RASA3: variants seen among roughly 807,000 people sequenced by gnomAD.
RASA3 encodes RAS p21 protein activator 3.
A neutral mutation model predicts 110.0 loss-of-function variants in RASA3; 73 were observed. The ratio of observed to expected loss-of-function variants is 0.66; its 90% CI spans 0.55 to 0.81. The LOEUF (loss-of-function observed/expected upper bound fraction) is 0.81, where lower values mean the gene tolerates loss of function less well. Among genes scored for constraint, RASA3 ranks in the 30% least tolerant of loss-of-function variants. The pLI is 0.00. For missense variants in RASA3, 976 were observed against 1,113.2 expected (o/e 0.88, Z 1.75); for synonymous variants, 500 against 451.4 (o/e 1.11, Z -1.37).
At chr13:114,009,487 C>T (rs751618682) in intron 16 of RASA3, 23 bp from the exon 17 acceptor site, 32 of 1,526,464 alleles carry the variant, frequency 2.1e-5, no homozygotes, top group South Asian at 1.5e-4. Flanking sequence ...GGAGATCACT[C>T]GAGGACAGCC....
chr13:114,132,605 G>T lies in RASA3; in HGVS notation c.-116C>A, dbSNP rs970177579. 1.4e-4 allele frequency: 122 copies of T among 852,296 alleles called. No homozygotes were observed. In the African/African-American group the frequency reaches 2.1e-3, roughly 14 times the overall value. The allele number at this position is 852,296 out of a possible 1,614,324, so 52.8% of individuals were successfully genotyped here. On this transcript the variant is annotated 5_prime_UTR_variant, in exon 1 of 24. Transcript: ENST00000334062. ...CCCGAGCGCGGCCGAGGGTCCGCCCGCCTGCAAGACCGCCAGTTGGCCGAG... is the reference window on the plus strand; with the variant it reads ...CCCGAGCGCGGCCGAGGGTCCGCCCTCCTGCAAGACCGCCAGTTGGCCGAG...
rs2079248023 is a variant in RASA3 at position 114,056,485 on chromosome 13, G to A, written c.174-4330C>T. On this transcript the variant is annotated intron_variant, in intron 2 of 23. Transcript: ENST00000334062. The surrounding 1 kb of genome is among the most constrained non-coding windows in gnomAD (Gnocchi z 5.7). ...GGGCTTGGGCAGCAGGGCTGAGAGT[G>A]CGGCGTCCCTGGGCGCTGCCCGGTA... 2.0e-6 allele frequency: 2 copies of A among 985,268 alleles called. No homozygotes were observed. The highest frequency in any genetic ancestry group is 3.5e-5 in the African/African-American group (2 of 57,226). 61.0% of individuals were successfully genotyped at this position (985,268 alleles called of 1,614,324 possible). A position where few individuals can be genotyped will look rare whatever the true frequency, so the allele number is the denominator to read the frequency against.
rs527764073 is a variant in RASA3 at position 114,058,741 on chromosome 13, C to T, written c.174-6586G>A. Among the ~76,000 whole-genome samples the T allele has an allele frequency of 2.0e-5, 3 of 152,366 alleles. No individual in the cohort carries two copies. In the South Asian group the frequency reaches 6.2e-4, roughly 32 times the overall value. On this transcript the variant is annotated intron_variant, in intron 2 of 23. Transcript: ENST00000334062. ...CGCAGTCCCCAGGGACCAAGTCCTG[C>T]TGCTGTGGACACAGGTGACCCTGCC...
chr13:114,117,347 A>AGCACGTGTGTGAGGGGT (rs1204293436), intron 1 of RASA3, among the ~76,000 whole-genome samples: 1 of 59,870 alleles, frequency 1.7e-5, no homozygotes, highest in Non-Finnish European at 3.3e-5. Context: ...GTGTGAGGAG[A>AGCACGTGTGTGAGGGGT]GCACGTGTGT....
intron 5 of RASA3, among the ~76,000 whole-genome samples, chr13:114,028,231 G>A (rs61973870): frequency 8.0e-6 from 1 of 125,416 alleles, no homozygotes; most frequent in African/African-American, 2.7e-5. Context: ...CCCTAAAACA[G>A]TGTCATCCTG....
chr13:114,117,261 A>G (rs55735547), intron 1 of RASA3, among the ~76,000 whole-genome samples: 3,896 of 9,348 alleles, frequency 0.42, 79 homozygotes, highest in Non-Finnish European at 0.43. Flanking sequence ...TGTGTGAGGG[A>G]TGCACGTGTG....
At chr13:114,111,662 C>A (rs1276133302) in intron 1 of RASA3, among the ~76,000 whole-genome samples, 1 of 152,272 alleles carries the variant, frequency 6.6e-6, no homozygotes, top group African/African-American at 2.4e-5. Flanking sequence ...TCACTTCCTG[C>A]CTCACACAGA....
chr13:114,043,838 C>CCCCCCCCCCCCCCCCCCCCCGCTGAGCCG (rs2078986042), intron 3 of RASA3, among the ~76,000 whole-genome samples: 1 of 19,930 alleles, frequency 5.0e-5, no homozygotes, highest in African/African-American at 4.3e-4. Context: ...ACTCGCTGAG[C>CCCCCCCCCCCCCCCCCCCCCGCTGAGCCG]CCCCCGCCCC....
chr13:114,049,669 G>A (rs900514054), intron 3 of RASA3, among the ~76,000 whole-genome samples: 27 of 152,356 alleles, frequency 1.8e-4, no homozygotes, highest in African/African-American at 6.3e-4. Context: ...CGCGCGTGGC[G>A]CCCGGCACAG....
chr13:114,022,332 G>C (rs935180786), intron 8 of RASA3, among the ~76,000 whole-genome samples: 2 of 152,204 alleles, frequency 1.3e-5, no homozygotes, highest in Non-Finnish European at 2.9e-5. Flanking sequence ...GCTGCAACAA[G>C]TCTACAGGGC....
In RASA3 at chr13:113,999,724, G is replaced by A. The variant is rs142178525; in HGVS notation, c.1850-57C>T. 5,800 of 1,490,782 alleles carry A rather than the reference G, an allele frequency of 3.9e-3. 154 individuals carry two copies. The East Asian group carries it at 0.053, about 14-fold the overall frequency. 92.3% of individuals were successfully genotyped at this position (1,490,782 alleles called of 1,614,324 possible). On this transcript the variant is annotated intron_variant, in intron 19 of 23. Transcript: ENST00000334062. ...GGCCCCGCTGTCCCGGCTGGGGTCC[G>A]GGTGGGGCTGAGGGGTCTCTGCCGG...
At chr13:114,051,731 T>G in intron 3 of RASA3, among the ~76,000 whole-genome samples, 1 of 141,696 alleles carries the variant, frequency 7.1e-6, no homozygotes, top group Non-Finnish European at 1.5e-5. Flanking sequence ...CATGCAAAGG[T>G]CCCCCCACAG....
In RASA3 at chr13:114,018,773, G is replaced by A. The variant is rs780522424; in HGVS notation, c.932C>T (p.Ala311Val). Reference protein sequence around the residue: ...SPLRDLLLKSADVEPVSASAA... With the variant: ...SPLRDLLLKSVDVEPVSASAA... Reference sequence around the variant, plus strand: ...GGCGTGGACAAGCACCTCCACATCCGCAGACTTCAACAGCAGGTCCCGCAG... The same window carrying A: ...GGCGTGGACAAGCACCTCCACATCCACAGACTTCAACAGCAGGTCCCGCAG... Residue 311 changes from alanine to valine, a missense_variant, in exon 10 of 24, where the codon GCG becomes GTG. Transcript: ENST00000334062. 1.4e-5 allele frequency: 23 copies of A among 1,613,094 alleles called. No individual in the cohort carries two copies. In the African/African-American group the frequency reaches 1.6e-4, roughly 11 times the overall value.
At chr13:114,026,558 C>G (rs1356785697) in intron 7 of RASA3, among the ~76,000 whole-genome samples, 1 of 152,184 alleles carries the variant, frequency 6.6e-6, no homozygotes, top group Admixed American at 6.5e-5. Context: ...GGGTCCTACT[C>G]AGTCAGGACC....
chr13:114,060,681 C>A (rs61973904), intron 2 of RASA3, among the ~76,000 whole-genome samples: 20,582 of 152,274 alleles, frequency 0.14, 1,789 homozygotes, highest in Middle Eastern at 0.21. Flanking sequence ...GCGGGCAGGA[C>A]GCAGCTGGAG....
intron 20 of RASA3, 41 bp downstream of exon 20, chr13:113,999,544 G>A (rs1366052376): frequency 1.3e-6 from 2 of 1,543,202 alleles, no homozygotes; most frequent in Non-Finnish European, 9.0e-7. Context: ...AACCTGGCCA[G>A]GCCTCAACCC....
chr13:113,982,515 A>T (rs1377302264), intron 22 of RASA3, among the ~76,000 whole-genome samples: 4 of 152,254 alleles, frequency 2.6e-5, no homozygotes, highest in Admixed American at 2.6e-4. Flanking sequence ...CCTAGCGGAC[A>T]GCCATGGAAC....
chr13:114,045,280 C>T (rs563411072), intron 3 of RASA3, among the ~76,000 whole-genome samples: 1 of 152,302 alleles, frequency 6.6e-6, no homozygotes, highest in South Asian at 2.1e-4. Flanking sequence ...AAAAGTTTAC[C>T]GAACACTCTG....
chr13:114,077,927 G>C (rs1482557176), intron 1 of RASA3: 48 of 984,726 alleles, frequency 4.9e-5, no homozygotes, highest in Non-Finnish European at 5.7e-5. Flanking sequence ...CCTGCCTCAG[G>C]CTTCTGATGC....
Sources: allele counts gnomAD v4.1 joint callset (sites outside exome capture counted in the v4.1 genomes callset), GRCh38; gene constraint gnomAD v4.1.1; non-coding constraint Gnocchi (gnomAD v3.1); transcripts MANE v1.5; gene names NCBI Gene and HGNC (gene_info 2026-07-23, HGNC 2026-07-21).